Variants in CACNA2D3 observed in about 807,000 individuals in gnomAD.
The protein encoded by CACNA2D3 is calcium voltage-gated channel auxiliary subunit alpha2delta 3, also known as voltage-dependent calcium channel subunit alpha-2/delta-3.
Under a neutral mutation model 160.6 loss-of-function variants are expected in CACNA2D3, and 60 were observed. The ratio of observed to expected loss-of-function variants is 0.37; its 90% confidence interval spans 0.30 to 0.46. The LOEUF is 0.46. Among genes scored for constraint, CACNA2D3 ranks in the 20% least tolerant of loss-of-function variants. CACNA2D3 has a pLI of 1.00. For synonymous variants in CACNA2D3, 558 were observed against 492.9 expected (o/e 1.13, Z -1.75); for missense variants, 1,205 against 1,365.0 (o/e 0.88, Z 1.85).
At chr3:54,642,975 T>G (rs1050887545) in intron 11 of CACNA2D3, among the ~76,000 whole-genome samples, 2 of 152,120 alleles carry the variant, frequency 1.3e-5, no homozygotes, top group Non-Finnish European at 2.9e-5. Flanking sequence ...AACAAGTTTC[T>G]CAGTGGGCAC....
At chr3:54,452,691 C>A (rs1365224910) in intron 4 of CACNA2D3, among the ~76,000 whole-genome samples, 2 of 152,184 alleles carry the variant, frequency 1.3e-5, no homozygotes, top group East Asian at 3.9e-4. Context: ...GCTTCTGTAA[C>A]AAAATACCAC....
intron 5 of CACNA2D3, among the ~76,000 whole-genome samples, chr3:54,550,388 A>T (rs1403800975): frequency 6.6e-6 from 1 of 152,172 alleles, no homozygotes; most frequent in Non-Finnish European, 1.5e-5. Context: ...TGTGAGCGTG[A>T]TGGAGTGCGA....
chr3:54,627,126 C>A (rs1366032), intron 9 of CACNA2D3, among the ~76,000 whole-genome samples: 69,160 of 152,016 alleles, frequency 0.45, 16,386 homozygotes, highest in Non-Finnish European at 0.52. Flanking sequence ...TACTGAGCCC[C>A]TTCTGTGTGT....
intron 35 of CACNA2D3, among the ~76,000 whole-genome samples, chr3:55,050,203 G>T (rs1704165337): frequency 6.7e-6 from 1 of 150,364 alleles, no homozygotes; most frequent in Non-Finnish European, 1.5e-5. Flanking sequence ...TAGTCTCGAT[G>T]GTCTTTACAT....
At chr3:54,416,000 A>G (rs755300207) in intron 4 of CACNA2D3, among the ~76,000 whole-genome samples, 15 of 152,228 alleles carry the variant, frequency 9.9e-5, no homozygotes, top group Non-Finnish European at 1.6e-4. Flanking sequence ...TGACCCAGAA[A>G]TGCGTGAAAC....
At chr3:54,787,679 CT>C (rs1375736846) in intron 13 of CACNA2D3, among the ~76,000 whole-genome samples, 1 of 152,106 alleles carries the variant, frequency 6.6e-6, no homozygotes, top group South Asian at 2.1e-4. Context: ...GAGGTTTAGG[CT>C]TCTAGGGGTG....
chr3:54,815,135 T>A (rs1703418606), intron 13 of CACNA2D3, among the ~76,000 whole-genome samples: 1 of 152,344 alleles, frequency 6.6e-6, no homozygotes, highest in Non-Finnish European at 1.5e-5. Flanking sequence ...TTTTCTGAAC[T>A]CTTGAAAAGC....
At chr3:55,009,202 A>G (rs1703159323) in intron 33 of CACNA2D3, among the ~76,000 whole-genome samples, 186 bp from the exon 34 acceptor site, 1 of 152,236 alleles carries the variant, frequency 6.6e-6, no homozygotes, top group Non-Finnish European at 1.5e-5. Flanking sequence ...TAGGGATAAA[A>G]TAGCCTTTCA....
chr3:54,222,627 A>T (rs1701596937), intron 2 of CACNA2D3, among the ~76,000 whole-genome samples: 1 of 152,164 alleles, frequency 6.6e-6, no homozygotes, highest in African/African-American at 2.4e-5. Context: ...TCCCACTACA[A>T]TGTCTTTATT....
At chr3:55,021,894 T>C (rs532512872) in intron 35 of CACNA2D3, among the ~76,000 whole-genome samples, 1 of 152,090 alleles carries the variant, frequency 6.6e-6, no homozygotes, top group Non-Finnish European at 1.5e-5. Flanking sequence ...ATAACACATC[T>C]ATTTTAGTAT....
chr3:54,608,097 C>T (rs1698673638), intron 9 of CACNA2D3, among the ~76,000 whole-genome samples: 1 of 152,096 alleles, frequency 6.6e-6, no homozygotes, highest in Non-Finnish European at 1.5e-5. Context: ...GGTTGTGACA[C>T]AAGTCTATTC....
chr3:54,951,246 C>T (rs1701749569), intron 27 of CACNA2D3, among the ~76,000 whole-genome samples: 1 of 152,190 alleles, frequency 6.6e-6, no homozygotes, highest in Non-Finnish European at 1.5e-5. Context: ...AATGCAGTGG[C>T]CACTATGTAG....
At chr3:54,871,436 C>A in intron 17 of CACNA2D3, 103 bp from the exon 18 acceptor site, 1 of 836,996 alleles carries the variant, frequency 1.2e-6, no homozygotes, top group Non-Finnish European at 1.9e-6. Flanking sequence ...GGTCCACTCC[C>A]AAGCCCTGTC....
At chr3:54,215,064 T>C (rs1160850529) in intron 2 of CACNA2D3, among the ~76,000 whole-genome samples, 2 of 152,176 alleles carry the variant, frequency 1.3e-5, no homozygotes, top group Admixed American at 1.3e-4. Flanking sequence ...CCAGGCCCTA[T>C]TGTCCACACT....
chr3:54,940,818 A>C (rs773582442), intron 27 of CACNA2D3, among the ~76,000 whole-genome samples: 1 of 152,188 alleles, frequency 6.6e-6, no homozygotes, highest in Non-Finnish European at 1.5e-5. Flanking sequence ...TCTGAAACCC[A>C]TATGCAAAAA....
intron 11 of CACNA2D3, among the ~76,000 whole-genome samples, chr3:54,677,623 G>T (rs1254839053): frequency 8.0e-5 from 9 of 112,376 alleles, no homozygotes; most frequent in South Asian, 3.8e-4. Context: ...TTTTTTTTGG[G>T]GGGGGGGCAA....
At chr3:54,125,468 T>C (rs1699573765) in intron 2 of CACNA2D3, among the ~76,000 whole-genome samples, 1 of 152,206 alleles carries the variant, frequency 6.6e-6, no homozygotes, top group South Asian at 2.1e-4. Flanking sequence ...TTATCATTTC[T>C]TGCTGCTGCC....
intron 11 of CACNA2D3, among the ~76,000 whole-genome samples, chr3:54,659,747 G>GT (rs748872488): frequency 6.6e-6 from 1 of 152,204 alleles, no homozygotes; most frequent in Non-Finnish European, 1.5e-5. Context: ...TTTGTAGTAC[G>GT]TAAAGCAGTG....
chr3:54,225,936 A>G (rs1240289084), intron 2 of CACNA2D3, among the ~76,000 whole-genome samples: 1 of 152,182 alleles, frequency 6.6e-6, no homozygotes, highest in Non-Finnish European at 1.5e-5. Flanking sequence ...GACTAGGAGC[A>G]GTGAGTTCAC....
Sources: gnomAD v4.1 joint callset for allele counts (sites outside exome capture counted in the v4.1 genomes callset) on GRCh38, gnomAD v4.1.1 for gene constraint, MANE v1.5 for transcripts, NCBI Gene and HGNC (gene_info 2026-07-23, HGNC 2026-07-21) for gene names.